RNF7: variants seen among roughly 807,000 people sequenced by gnomAD.
The protein encoded by RNF7 is RING-box protein 2.
Under a neutral mutation model 17.0 loss-of-function variants are expected in RNF7, and 9 were observed. The observed-to-expected ratio is 0.53, with a 90% CI of 0.32 to 0.92. RNF7 has a LOEUF of 0.92. RNF7 is among the 40% of genes least tolerant of loss of function. The pLI is 0.04. For missense variants in RNF7, 87 were observed against 145.8 expected (o/e 0.60, Z 2.08); for synonymous variants, 59 against 50.5 (o/e 1.17, Z -0.72).
At chr3:141,740,452 A>G (rs1454442309) in intron 1 of RNF7, among the ~76,000 whole-genome samples, 2 of 152,184 alleles carry the variant, frequency 1.3e-5, no homozygotes, top group Non-Finnish European at 2.9e-5. Flanking sequence ...TAGACTATAA[A>G]TGACACATTT....
intron 1 of RNF7, 127 bp downstream of exon 1, chr3:141,738,643 C>A: frequency 9.7e-7 from 1 of 1,028,076 alleles, no homozygotes; most frequent in Non-Finnish European, 1.3e-6. Context: ...GTGGAGGTCG[C>A]CCTGCCCCGG....
intron 1 of RNF7, among the ~76,000 whole-genome samples, chr3:141,741,072 A>G (rs185873574): frequency 6.6e-6 from 1 of 152,386 alleles, no homozygotes; most frequent in Admixed American, 6.5e-5. Flanking sequence ...TATAATAGCC[A>G]GAGTAACCCT....
Position 141,745,160 on chromosome 3 carries a change from G to A in RNF7, c.225G>A (p.Val75=). 1 of 1,603,068 alleles carries A rather than the reference G, an allele frequency of 6.2e-7. No homozygotes were observed. The highest frequency in any genetic ancestry group is 8.5e-7 in the Non-Finnish European group (1 of 1,170,678). ...QAENKQEDCV[V]VWGECNHSFH... is the part of the protein sequence containing the mutation. ...AACTCTTCTTTTTCTTTCTTTCAGT[G>A]GTCTGGGGAGAATGTAATCATTCCT... is the stretch of plus-strand genomic sequence containing the variant. The change falls in exon 3 of 3, where the codon GTG becomes GTA. Residue 75 remains valine (V), a splice_region_variant and synonymous_variant. Coordinates refer to ENST00000273480, the MANE Select transcript of RNF7 (RefSeq NM_014245.5).
intron 1 of RNF7, 79 bp from the exon 2 acceptor site, chr3:141,743,430 C>A: frequency 1.8e-6 from 2 of 1,088,662 alleles, no homozygotes; most frequent in Non-Finnish European, 2.8e-6. Flanking sequence ...ACCCTTAGGG[C>A]TTTTGACTTT....
At position 141,738,535 on chromosome 3, in the gene RNF7, T is replaced by TCCAG; in HGVS notation, c.175+20_175+23dup. On this transcript the variant is annotated intron_variant, in intron 1 of 2. Transcript: ENST00000273480. ...GTGATGGGTAAGCGCTGCACGCGAG[T>TCCAG]CCAGGGCCGCCCTGCGGCCTCCGGG... 6.3e-7 allele frequency: 1 copy of TCCAG among 1,589,962 alleles called. No individual in the cohort carries two copies.
intron 1 of RNF7, among the ~76,000 whole-genome samples, chr3:141,741,522 C>T (rs773458129): frequency 2.0e-5 from 3 of 152,118 alleles, no homozygotes; most frequent in Non-Finnish European, 2.9e-5. Flanking sequence ...TCAACTTAAC[C>T]GTGTTTCTAT....
At position 141,745,583 on chromosome 3, in the gene RNF7, A is replaced by C. The variant is rs1335145474; in HGVS notation, c.*306A>C. 2 of 164,676 alleles carry C rather than the reference A, an allele frequency of 1.2e-5. No homozygotes were observed. 10.2% of individuals were successfully genotyped at this position (164,676 alleles called of 1,614,324 possible). ...AGCTCCAAATTGAATCACCTTTATAATTTACCCATTTCTATACAACAGGCA... is the reference window on the plus strand; with the variant it reads ...AGCTCCAAATTGAATCACCTTTATACTTTACCCATTTCTATACAACAGGCA... On this transcript the variant is annotated 3_prime_UTR_variant, in exon 3 of 3. Coordinates refer to ENST00000273480, the MANE Select transcript of RNF7 (RefSeq NM_014245.5).
At chr3:141,742,860 A>T in intron 1 of RNF7, 2 of 1,110,130 alleles carry the variant, frequency 1.8e-6, no homozygotes, top group Non-Finnish European at 2.2e-6. Context: ...TAGGGTAGAA[A>T]GTAAAAAGTT....
chr3:141,743,856 T>A (rs984267199), intron 2 of RNF7, among the ~76,000 whole-genome samples: 4 of 152,208 alleles, frequency 2.6e-5, no homozygotes, highest in African/African-American at 9.6e-5. Context: ...CAGAAATTTG[T>A]CAAAACATTA....
At position 141,743,578 on chromosome 3, in the gene RNF7, T is replaced by C. The variant is rs768554312; in HGVS notation, c.223+22T>C. 18 of 1,590,646 alleles carry C rather than the reference T, an allele frequency of 1.1e-5. 1 individual carries two copies. In the South Asian group the frequency reaches 2.0e-4, roughly 18 times the overall value. On this transcript the variant is annotated intron_variant, in intron 2 of 2. Coordinates refer to ENST00000273480, the MANE Select transcript of RNF7 (RefSeq NM_014245.5). ...GTTGGTATGTTGTAATTTTGTTCTC[T>C]TGCTTTTTCAACTGAAGGTTTTCTC...
intron 1 of RNF7, among the ~76,000 whole-genome samples, chr3:141,740,935 C>T (rs575031361): frequency 2.0e-5 from 3 of 152,298 alleles, no homozygotes; most frequent in South Asian, 2.1e-4. Flanking sequence ...ACTTGCCTGT[C>T]AGCCCATTCT....
intron 1 of RNF7, chr3:141,742,742 G>A: frequency 2.3e-6 from 3 of 1,283,128 alleles, no homozygotes; most frequent in Non-Finnish European, 3.0e-6. Flanking sequence ...AGCCCTCGCT[G>A]TCCCCTCTGT....
chr3:141,738,302 C>A lies in RNF7; in HGVS notation c.-40C>A. The A allele has an allele frequency of 6.6e-7, 1 of 1,525,302 alleles. No homozygotes were observed. The allele number at this position is 1,525,302 out of a possible 1,614,324, so 94.5% of individuals were successfully genotyped here. On this transcript the variant is annotated 5_prime_UTR_variant, in exon 1 of 3. Coordinates refer to ENST00000273480, the MANE Select transcript of RNF7 (RefSeq NM_014245.5). ...AGAGCCGCCCTAGCCTTCCGCCTTC[C>A]CCAAGCCAACGTCTCCGCCGTCGGC...
rs1328959934 is a variant in RNF7 at position 141,745,382 on chromosome 3, TAGG to T, written c.*108_*110del. 3.1e-6 allele frequency: 2 copies of T among 654,040 alleles called. No homozygotes were observed. Among genetic ancestry groups the T allele is most frequent in the African/African-American group, 3.7e-5 (2 of 54,310 alleles). 40.5% of individuals were successfully genotyped at this position (654,040 alleles called of 1,614,324 possible). On this transcript the variant is annotated 3_prime_UTR_variant, in exon 3 of 3. Transcript: ENST00000273480. ...CACTACAGGGGATGAATTCTTCAAA[TAGG>T]AGCCGATGGATCTGTGGTCCTTTGG...
intron 1 of RNF7, among the ~76,000 whole-genome samples, chr3:141,741,420 C>T (rs1256902429): frequency 1.3e-5 from 2 of 152,036 alleles, no homozygotes; most frequent in Admixed American, 1.3e-4. Flanking sequence ...ACTGAAGAGA[C>T]TAGGGCAGTG....
intron 1 of RNF7, among the ~76,000 whole-genome samples, chr3:141,739,250 C>T (rs1169375517): frequency 6.6e-6 from 1 of 152,210 alleles, no homozygotes; most frequent in Non-Finnish European, 1.5e-5. Flanking sequence ...ATCACACCCC[C>T]CTCTCCATAT....
intron 1 of RNF7, among the ~76,000 whole-genome samples, chr3:141,741,246 C>G (rs1478050847): frequency 1.3e-5 from 2 of 152,168 alleles, no homozygotes; most frequent in Non-Finnish European, 2.9e-5. Context: ...TATCACAACC[C>G]TCATGATATT....
intron 1 of RNF7, 126 bp from the exon 2 acceptor site, chr3:141,743,383 G>A (rs1250635340): frequency 4.7e-6 from 3 of 633,168 alleles, no homozygotes; most frequent in Non-Finnish European, 8.3e-6. Flanking sequence ...ATGTTCAGAT[G>A]AGAAATTAAT....
chr3:141,739,989 C>T (rs2084399266), intron 1 of RNF7, among the ~76,000 whole-genome samples: 1 of 152,176 alleles, frequency 6.6e-6, no homozygotes, highest in Admixed American at 6.5e-5. Flanking sequence ...CTGCCACTGC[C>T]ACTGCCACTA....
Sources: allele counts gnomAD v4.1 joint callset (sites outside exome capture counted in the v4.1 genomes callset), GRCh38; gene constraint gnomAD v4.1.1; transcripts MANE v1.5; gene names NCBI Gene and HGNC (gene_info 2026-07-23, HGNC 2026-07-21).